Variants in INTS8 observed in about 807,000 individuals in gnomAD.
INTS8 encodes protein kaonashi-1.
Under a neutral mutation model 138.9 loss-of-function variants are expected in INTS8, and 47 were observed. That is an observed-to-expected ratio of 0.34 (90% CI 0.27 to 0.43). The LOEUF (loss-of-function observed/expected upper bound fraction) is 0.43. Among genes scored for constraint, INTS8 ranks in the 20% least tolerant of loss-of-function variants. The pLI, the probability that INTS8 is intolerant of heterozygous loss-of-function variation, is 1.00. For synonymous variants in INTS8, 392 were observed against 400.9 expected (o/e 0.98, Z 0.27); for missense variants, 996 against 1,173.0 (o/e 0.85, Z 2.20).
intron 10 of INTS8, among the ~76,000 whole-genome samples, chr8:94,849,246 C>CTTTGCT (rs1463058594): frequency 6.6e-6 from 1 of 152,132 alleles, no homozygotes; most frequent in Non-Finnish European, 1.5e-5. Context: ...TACATGTATA[C>CTTTGCT]ACCTGCACTT....
intron 5 of INTS8, among the ~76,000 whole-genome samples, chr8:94,830,956 C>T (rs531049202): frequency 6.6e-6 from 1 of 151,750 alleles, no homozygotes; most frequent in Non-Finnish European, 1.5e-5. Context: ...CTCCACCATG[C>T]CTGGCTAATT....
intron 13 of INTS8, among the ~76,000 whole-genome samples, chr8:94,853,358 A>G (rs534312555): frequency 6.6e-6 from 1 of 152,242 alleles, no homozygotes; most frequent in Admixed American, 6.5e-5. Flanking sequence ...CAAGTATAGC[A>G]TGATAGTTAT....
At chr8:94,862,535 G>T (rs1158840226) in intron 16 of INTS8, among the ~76,000 whole-genome samples, 2 of 152,216 alleles carry the variant, frequency 1.3e-5, no homozygotes, top group Non-Finnish European at 2.9e-5. Flanking sequence ...CAATGTGTAA[G>T]GACACAGGAA....
Position 94,826,285 on chromosome 8 carries a change from A to AT in INTS8, c.306-964dup, listed in dbSNP as rs1311945370. Reference sequence around the variant, plus strand: ...TTAAATATTAGAATTTTTAAAGTGAATTTTTTTTTTTTTTGAGACGGAGTC... The same window carrying AT: ...TTAAATATTAGAATTTTTAAAGTGAATTTTTTTTTTTTTTTGAGACGGAGTC... On this transcript the variant is annotated intron_variant, in intron 2 of 26. Coordinates refer to ENST00000523731, the MANE Select transcript of INTS8 (RefSeq NM_017864.4). 3.2e-3 allele frequency among the ~76,000 whole-genome samples: 469 copies of AT among 146,562 alleles called. 1 individual carries two copies. Among genetic ancestry groups the AT allele is most frequent in the East Asian group, 9.3e-3 (47 of 5,078 alleles).
chr8:94,828,748 AG>A (rs1238491976), intron 4 of INTS8, among the ~76,000 whole-genome samples: 2 of 152,194 alleles, frequency 1.3e-5, no homozygotes, highest in East Asian at 1.9e-4. Flanking sequence ...TCTGGGTGAC[AG>A]GGTGTCTCAA....
intron 15 of INTS8, among the ~76,000 whole-genome samples, 164 bp downstream of exon 15, chr8:94,857,142 G>A (rs1454522226): frequency 2.7e-5 from 4 of 146,666 alleles, no homozygotes; most frequent in Non-Finnish European, 3.0e-5. Flanking sequence ...GCGCGATCTC[G>A]GCCCACTGCA....
chr8:94,861,575 G>A (rs937534032), intron 16 of INTS8, among the ~76,000 whole-genome samples: 8 of 138,102 alleles, frequency 5.8e-5, no homozygotes, highest in Admixed American at 3.0e-4. Flanking sequence ...TTTTTGAGAC[G>A]GAGTTTTGCT....
chr8:94,842,706 C>A (rs1410484834), intron 10 of INTS8, among the ~76,000 whole-genome samples: 1 of 152,154 alleles, frequency 6.6e-6, no homozygotes, highest in Non-Finnish European at 1.5e-5. Context: ...ATTGGATTCT[C>A]CTTAGTCCTT....
chr8:94,856,512 T>C (rs1329426363), intron 14 of INTS8, among the ~76,000 whole-genome samples: 1 of 152,180 alleles, frequency 6.6e-6, no homozygotes, highest in Non-Finnish European at 1.5e-5. Flanking sequence ...AAGTCTTTGG[T>C]TATCTTATAA....
intron 26 of INTS8, among the ~76,000 whole-genome samples, chr8:94,879,461 G>T (rs920486844): frequency 1.3e-5 from 2 of 151,932 alleles, no homozygotes; most frequent in African/African-American, 4.8e-5. Context: ...CGGACGAGAT[G>T]GCGGGCGTCT....
At chr8:94,842,577 T>G (rs1445223691) in intron 10 of INTS8, 89 bp downstream of exon 10, 2 of 1,080,170 alleles carry the variant, frequency 1.9e-6, no homozygotes, top group Admixed American at 2.4e-5. Flanking sequence ...GTTCCTTTTT[T>G]CCTGTCTGCC....
chr8:94,843,004 C>CTCTAGAAGCCTTTGTTGTGGTCTTTACA (rs1815191518), intron 10 of INTS8, among the ~76,000 whole-genome samples: 1 of 152,194 alleles, frequency 6.6e-6, no homozygotes, highest in African/African-American at 2.4e-5. Context: ...GTTGCCAGCA[C>CTCTAGAAGCCTTTGTTGTGGTCTTTACA]TCTAGAAGCC....
chr8:94,861,980 G>A (rs143773045), intron 16 of INTS8, among the ~76,000 whole-genome samples: 6,431 of 151,594 alleles, frequency 0.042, 207 homozygotes, highest in Non-Finnish European at 0.059. Context: ...CCCCTCTGTC[G>A]CCCAGGCTGG....
chr8:94,829,761 A>AT (rs1338065768), intron 5 of INTS8, among the ~76,000 whole-genome samples: 2 of 152,210 alleles, frequency 1.3e-5, no homozygotes, highest in African/African-American at 4.8e-5. Context: ...CTACTGATTG[A>AT]TTCTGTTTCG....
chr8:94,865,445 T>C, intron 16 of INTS8, 61 bp from the exon 17 acceptor site: 1 of 1,364,972 alleles, frequency 7.3e-7, no homozygotes, highest in Non-Finnish European at 1.0e-6. Flanking sequence ...GCCTTGATAA[T>C]AGAACTAATG....
Position 94,873,353 on chromosome 8 carries a change from A to G in INTS8, c.2534-21A>G. On this transcript the variant is annotated intron_variant, in intron 21 of 26. Coordinates refer to ENST00000523731, the MANE Select transcript of INTS8 (RefSeq NM_017864.4). ...TTTCAACTGTTACCTCTAATGCTTT[A>G]TGTCTGTTTTTCTGTTTCAGCAACG... is the stretch of plus-strand genomic sequence containing the variant. The G allele has an allele frequency of 3.3e-6, 5 of 1,532,774 alleles. No individual in the cohort carries two copies. In the South Asian group the frequency reaches 3.4e-5, roughly 10 times the overall value. The allele number at this position is 1,532,774 out of a possible 1,614,324, so 94.9% of individuals were successfully genotyped here. A position where few individuals can be genotyped will look rare whatever the true frequency, so the allele number is the denominator to read the frequency against.
At chr8:94,865,914 T>C (rs534080159) in intron 17 of INTS8, among the ~76,000 whole-genome samples, 1 of 152,328 alleles carries the variant, frequency 6.6e-6, no homozygotes, top group South Asian at 2.1e-4. Context: ...AAGAAACTAT[T>C]AATCATTTAA....
Position 94,827,963 on chromosome 8 carries a change from A to G in INTS8, c.518+170A>G, listed in dbSNP as rs527738572. Among the ~76,000 whole-genome samples the G allele has an allele frequency of 9.6e-4, 146 of 152,228 alleles. 1 individual carries two copies. Among genetic ancestry groups the G allele is most frequent in the African/African-American group, 3.4e-3 (143 of 41,544 alleles). ...GTTAGAGGGGCTGGAGAGTCAGGTA[A>G]TGTGCTAGATACAGAGTTCTAAGAA... is the stretch of plus-strand genomic sequence containing the variant. On this transcript the variant is annotated intron_variant, in intron 4 of 26. Transcript: ENST00000523731.
At chr8:94,827,241 A>G (rs751925079) in intron 2 of INTS8, 22 bp from the exon 3 acceptor site, 4 of 1,606,352 alleles carry the variant, frequency 2.5e-6, no homozygotes, top group Non-Finnish European at 3.4e-6. Context: ...ATGTGCAAAC[A>G]TGTACGTTTT....
Sources: gnomAD v4.1 joint callset for allele counts (sites outside exome capture counted in the v4.1 genomes callset) on GRCh38, gnomAD v4.1.1 for gene constraint, MANE v1.5 for transcripts, NCBI Gene and HGNC (gene_info 2026-07-23, HGNC 2026-07-21) for gene names.